Variants in CDK14 observed in about 807,000 individuals in gnomAD.
The protein encoded by CDK14 is cyclin dependent kinase 14, also known as cyclin-dependent kinase 14.
CDK14 carries 34 observed loss-of-function variants against 60.7 expected under a neutral mutation model. The ratio of observed to expected loss-of-function variants is 0.56; its 90% CI spans 0.43 to 0.75. The LOEUF is 0.75. Ranked by LOEUF, CDK14 falls within the 30% of genes least tolerant of loss-of-function variation. CDK14 has a pLI of 0.00. For synonymous variants in CDK14, 197 were observed against 203.7 expected (o/e 0.97, Z 0.28); for missense variants, 482 against 564.1 (o/e 0.85, Z 1.47).
intron 2 of CDK14, among the ~76,000 whole-genome samples, chr7:90,678,106 A>G (rs1196650797): frequency 6.6e-6 from 1 of 152,248 alleles, no homozygotes; most frequent in Non-Finnish European, 1.5e-5. Flanking sequence ...CAAGTGGAGC[A>G]AAGCCACAGC....
At chr7:90,773,888 TCTC>T (rs1299097604) in intron 4 of CDK14, among the ~76,000 whole-genome samples, 1 of 85,390 alleles carries the variant, frequency 1.2e-5, no homozygotes, top group Non-Finnish European at 2.3e-5. Flanking sequence ...TCTCCTCTCC[TCTC>T]CTCTTTTCTT....
intron 9 of CDK14, among the ~76,000 whole-genome samples, chr7:90,983,139 A>T (rs922337743): frequency 2.0e-5 from 3 of 152,252 alleles, no homozygotes; most frequent in African/African-American, 7.2e-5. Flanking sequence ...CATGGAAAGC[A>T]GTTTGGAGAT....
intron 2 of CDK14, among the ~76,000 whole-genome samples, chr7:90,649,914 A>T (rs1379605370): frequency 2.6e-5 from 4 of 152,174 alleles, no homozygotes; most frequent in Admixed American, 6.5e-5. Context: ...TGGTGCGGTA[A>T]ACATACATAT....
chr7:90,724,360 T>G (rs763339507), intron 2 of CDK14, among the ~76,000 whole-genome samples: 1 of 148,358 alleles, frequency 6.7e-6, no homozygotes, highest in Non-Finnish European at 1.5e-5. Context: ...TAAAAAAAAC[T>G]TCTCTGAAAA....
At chr7:91,073,920 T>A (rs1798225273) in intron 11 of CDK14, among the ~76,000 whole-genome samples, 1 of 151,884 alleles carries the variant, frequency 6.6e-6, no homozygotes, top group African/African-American at 2.4e-5. Flanking sequence ...CATTACATGA[T>A]GATAAACAGT....
chr7:91,160,773 C>A (rs1021404266), intron 14 of CDK14, among the ~76,000 whole-genome samples: 2 of 151,926 alleles, frequency 1.3e-5, no homozygotes, highest in Non-Finnish European at 2.9e-5. Context: ...TAGTTATGTA[C>A]ATGGATGTTA....
chr7:90,939,210 A>T (rs140590926), intron 8 of CDK14, among the ~76,000 whole-genome samples: 1 of 152,214 alleles, frequency 6.6e-6, no homozygotes, highest in Admixed American at 6.5e-5. Context: ...TTATTGGAGA[A>T]GATAAAGGTA....
chr7:90,986,095 C>A (rs902317173), intron 10 of CDK14, among the ~76,000 whole-genome samples: 1 of 151,860 alleles, frequency 6.6e-6, no homozygotes, highest in African/African-American at 2.4e-5. Flanking sequence ...CTTGTATATT[C>A]TTTTGGAACC....
chr7:90,637,823 T>C (rs985461258), intron 2 of CDK14, among the ~76,000 whole-genome samples: 2 of 145,074 alleles, frequency 1.4e-5, no homozygotes, highest in South Asian at 2.3e-4. Context: ...TGCTCCTGTA[T>C]TGGGTGCATA....
In CDK14 at chr7:91,144,459, ATATT is replaced by A. The variant is rs1800562026; in HGVS notation, c.*28+26253_*28+26256del. Reference sequence around the variant, plus strand: ...TTTGGATGGTATTGGCATTTCACAAATATTTCTTTCAGGATCAAAAATGCAGTAG... The same window carrying A: ...TTTGGATGGTATTGGCATTTCACAAATCTTTCAGGATCAAAAATGCAGTAG... On this transcript the variant is annotated intron_variant, in intron 14 of 14. Transcript: ENST00000380050. 2.6e-5 allele frequency among the ~76,000 whole-genome samples: 4 copies of A among 152,304 alleles called. No individual in the cohort carries two copies. In the South Asian group the frequency reaches 8.3e-4, roughly 32 times the overall value.
rs145865667 is a variant in CDK14, at chr7:91,094,117, G to A, written c.1154+14637G>A. Among the ~76,000 whole-genome samples the A allele has an allele frequency of 2.2e-4, 34 of 152,056 alleles. No homozygotes were observed. In the East Asian group the frequency reaches 5.8e-3, roughly 26 times the overall value. On this transcript the variant is annotated intron_variant, in intron 12 of 14. Transcript: ENST00000380050. ...GGGATCATTCGTACTCCAAACCTCA[G>A]CAACATGCAATTTACCCATGTAACA...
In CDK14 at chr7:90,835,500, G is replaced by A. The variant is rs115979561; in HGVS notation, c.545-27675G>A. Among the ~76,000 whole-genome samples the A allele has an allele frequency of 8.4e-3, 1,279 of 152,222 alleles. 26 individuals carry two copies. Among genetic ancestry groups the A allele is most frequent in the African/African-American group, 0.027 (1,111 of 41,524 alleles). ...GATGCCAGGCTATGAATACAAATGC[G>A]CTTAATACATGTAAGTCTCTGTGCA... On this transcript the variant is annotated intron_variant, in intron 5 of 14. Coordinates refer to ENST00000380050, the MANE Select transcript of CDK14 (RefSeq NM_001287135.2).
At chr7:90,962,774 T>C (rs576525748) in intron 9 of CDK14, among the ~76,000 whole-genome samples, 5 of 152,274 alleles carry the variant, frequency 3.3e-5, no homozygotes, top group Non-Finnish European at 7.4e-5. Flanking sequence ...TCACAGAGAC[T>C]CAGTTTCATG....
intron 6 of CDK14, among the ~76,000 whole-genome samples, chr7:90,889,169 T>C (rs553483413): frequency 6.6e-6 from 1 of 152,322 alleles, no homozygotes; most frequent in Admixed American, 6.5e-5. Flanking sequence ...TATAGAAATA[T>C]GTTTGGTTTT....
chr7:91,031,603 A>T (rs1796760808), intron 10 of CDK14, among the ~76,000 whole-genome samples: 2 of 152,218 alleles, frequency 1.3e-5, no homozygotes, highest in Admixed American at 1.3e-4. Context: ...ATGGGGCCTT[A>T]GCCAAACGAT....
At chr7:91,073,443 A>G (rs914721505) in intron 11 of CDK14, among the ~76,000 whole-genome samples, 1 of 152,206 alleles carries the variant, frequency 6.6e-6, no homozygotes, top group Non-Finnish European at 1.5e-5. Context: ...TTTTCAGACA[A>G]GCAAATGCTG....
At chr7:90,690,672 G>A (rs1362102328) in intron 2 of CDK14, among the ~76,000 whole-genome samples, 1 of 152,058 alleles carries the variant, frequency 6.6e-6, no homozygotes, top group African/African-American at 2.4e-5. Flanking sequence ...GCCAGATGGC[G>A]TTCTCTAGCT....
chr7:91,095,551 T>C (rs1392467764), intron 12 of CDK14, among the ~76,000 whole-genome samples: 1 of 152,196 alleles, frequency 6.6e-6, no homozygotes, highest in Admixed American at 6.5e-5. Flanking sequence ...TTTATTGTAG[T>C]TTAAAATTTT....
chr7:91,173,875 G>A (rs1469995260), intron 14 of CDK14, among the ~76,000 whole-genome samples: 1 of 152,236 alleles, frequency 6.6e-6, no homozygotes, highest in Non-Finnish European at 1.5e-5. Context: ...CAGCGAGGCT[G>A]GGGGAGGGGC....
Sources: gnomAD v4.1 joint callset for allele counts (sites outside exome capture counted in the v4.1 genomes callset) on GRCh38, gnomAD v4.1.1 for gene constraint, MANE v1.5 for transcripts, NCBI Gene and HGNC (gene_info 2026-07-23, HGNC 2026-07-21) for gene names.